The following OTUB1 variants were observed in gnomAD, a reference collection of about 807,000 sequenced individuals.
The protein encoded by OTUB1 is ubiquitin thioesterase OTUB1.
A neutral mutation model predicts 35.8 loss-of-function variants in OTUB1; 10 were observed. The observed-to-expected ratio is 0.28, with a 90% confidence interval of 0.17 to 0.47. The LOEUF (loss-of-function observed/expected upper bound fraction) is 0.47. Among genes scored for constraint, OTUB1 ranks in the 20% least tolerant of loss-of-function variants. The probability of loss-of-function intolerance (pLI) is 0.99; values close to 1 mark genes in which losing one functional copy is unlikely to be tolerated. For missense variants in OTUB1, 264 were observed against 351.6 expected, an observed-to-expected ratio of 0.75 and a Z score of 1.99; for synonymous variants, 158 against 143.8, an observed-to-expected ratio of 1.10 and a Z score of -0.71.
At chr11:63,997,285 A>G (rs1486758002) in intron 6 of OTUB1, 41 bp downstream of exon 6, 5 of 1,611,344 alleles carry the variant, frequency 3.1e-6, no homozygotes, top group Non-Finnish European at 3.4e-6. Flanking sequence ...GGGGGAGTGC[A>G]GTGGGCCCAC....
chr11:63,995,170 G>C (rs1942705648), intron 3 of OTUB1, among the ~76,000 whole-genome samples: 1 of 152,090 alleles, frequency 6.6e-6, no homozygotes, highest in Admixed American at 6.6e-5. Context: ...GAGTGGCTGG[G>C]ACCACAGGAT....
intron 3 of OTUB1, among the ~76,000 whole-genome samples, chr11:63,991,296 T>TA (rs567373866): frequency 8.7e-4 from 132 of 152,288 alleles, no homozygotes; most frequent in African/African-American, 3.0e-3. Context: ...CCTCTCCCCA[T>TA]ACAGGGGGTG....
In OTUB1 at chr11:63,997,447, C is replaced by G. The variant is rs771746070; in HGVS notation, c.717C>G (p.Gly239=). Residue 239 remains glycine, a synonymous_variant, in exon 7 of 7, where the codon GGC becomes GGG. Transcript: ENST00000538426. The part of the protein sequence containing the change: ...VSIQVEYMDR[G]EGGTTNPHIF... ...TCCAGGTGGAGTACATGGACCGCGG[C>G]GAGGGCGGCACCACCAATCCGCACA... 3 of 1,614,084 alleles carry G rather than the reference C, an allele frequency of 1.9e-6. No homozygotes were observed. The South Asian group carries it at 3.3e-5, about 18-fold the overall frequency.
chr11:63,998,066 AG>A lies in OTUB1; in HGVS notation c.*524del. On this transcript the variant is annotated 3_prime_UTR_variant, in exon 7 of 7. Transcript: ENST00000538426. The stretch of plus-strand genomic sequence containing the variant: ...CTGCATGGTTGGGAGTCCTGGGTGG[AG>A]GGGCCTTTGTGAGGCTGGACCCGGC... 4.6e-6 allele frequency: 2 copies of A among 431,746 alleles called. No homozygotes were observed. Among genetic ancestry groups the A allele is most frequent in the Non-Finnish European group, 8.4e-6 (2 of 236,982 alleles). The allele number at this position is 431,746 out of a possible 1,614,324, so 26.7% of individuals were successfully genotyped here. A position where few individuals can be genotyped will look rare whatever the true frequency, so the allele number is the denominator to read the frequency against.
chr11:63,997,882 C>A lies in OTUB1; in HGVS notation c.*336C>A. 1 of 637,446 alleles carries A rather than the reference C, an allele frequency of 1.6e-6. No individual in the cohort carries two copies. Among genetic ancestry groups the A allele is most frequent in the South Asian group, 1.7e-5 (1 of 57,512 alleles). The allele number at this position is 637,446 out of a possible 1,614,324, so 39.5% of individuals were successfully genotyped here. On this transcript the variant is annotated 3_prime_UTR_variant, in exon 7 of 7. Coordinates refer to ENST00000538426, the MANE Select transcript of OTUB1 (RefSeq NM_017670.3). ...GCTTCGTTGGGTTCTGCTTCCTTCC[C>A]TTCTTAGCTGGCTCAGGGGCTTCTA... is the stretch of plus-strand genomic sequence containing the variant.
chr11:63,996,871 C>T lies in OTUB1; in HGVS notation c.353C>T (p.Ser118Phe). 2 of 1,614,222 alleles carry T rather than the reference C, an allele frequency of 1.2e-6. No homozygotes were observed. Among genetic ancestry groups the T allele is most frequent in the Non-Finnish European group, 1.7e-6 (2 of 1,180,038 alleles). Residue 118 changes from serine to phenylalanine, a missense_variant, in exon 5 of 7, where the codon TCT (serine) becomes TTT (phenylalanine). Physicochemically the swap from Ser to Phe is radical, Grantham distance 155. Transcript: ENST00000538426. ...SKELQRFKAV[S>F]AKSKEDLVSQ... ...CCCACCCCCAGGTTCAAGGCTGTGT[C>T]TGCCAAGAGCAAGGAAGACCTGGTG...
intron 3 of OTUB1, among the ~76,000 whole-genome samples, chr11:63,996,180 C>T (rs1942714903): frequency 1.3e-5 from 2 of 152,196 alleles, no homozygotes; most frequent in Non-Finnish European, 2.9e-5. Context: ...CTGGCCCTGA[C>T]TTGCTTGCCC....
Position 63,997,994 on chromosome 11 carries a change from G to T in OTUB1, c.*448G>T, listed in dbSNP as rs977807252. On this transcript the variant is annotated 3_prime_UTR_variant, in exon 7 of 7. Coordinates refer to ENST00000538426, the MANE Select transcript of OTUB1 (RefSeq NM_017670.3). ...GCTCCCTCATAGGCCCCACCTCCAC[G>T]TCCCGGCTGGGCCCCAGACCCCAGC... 1 of 550,388 alleles carries T rather than the reference G, an allele frequency of 1.8e-6. No homozygotes were observed. The highest frequency in any genetic ancestry group is 3.3e-5 in the Admixed American group (1 of 30,190). 34.1% of individuals were successfully genotyped at this position (550,388 alleles called of 1,614,324 possible).
intron 1 of OTUB1, 125 bp from the exon 2 acceptor site, chr11:63,988,212 A>G (rs989056708): frequency 1.4e-6 from 1 of 719,848 alleles, no homozygotes; most frequent in African/African-American, 1.8e-5. Context: ...GACATCTGTA[A>G]CATACCTGCT....
rs536333242 is a variant in OTUB1 at position 63,994,375 on chromosome 11, C to T, written c.220-2155C>T. Among the ~76,000 whole-genome samples, 3 of 152,326 alleles carry T rather than the reference C, an allele frequency of 2.0e-5. No individual in the cohort carries two copies. In the East Asian group the frequency reaches 5.8e-4, roughly 30 times the overall value. On this transcript the variant is annotated intron_variant, in intron 3 of 6. Transcript: ENST00000538426. ...TCAAGTGATTCTCTTGCCTCAGCCT[C>T]CAGAGTAGCTGGAACTACAGGTGTG...
In OTUB1 at chr11:63,997,410, T is replaced by C. The variant is rs755858584; in HGVS notation, c.680T>C (p.Leu227Pro). The change falls in exon 7 of 7, where the codon CTC becomes CCC. Residue 227 changes from leucine to proline, a missense_variant. By Grantham distance (98) the Leu-to-Pro change is moderately conservative. This residue lies in a region of OTUB1 where 214 missense variants were observed against 317.1 expected (regional missense o/e 0.67). Transcript: ENST00000538426. ...HIHIIALAQA[L>P]SVSIQVEYMD... ...CACATCATTGCGCTGGCCCAGGCCC[T>C]CAGCGTGTCCATCCAGGTGGAGTAC... 1 of 1,614,098 alleles carries C rather than the reference T, an allele frequency of 6.2e-7. No homozygotes were observed. Among genetic ancestry groups the C allele is most frequent in the Admixed American group, 1.7e-5 (1 of 60,026 alleles).
rs764672942 is a variant in OTUB1, at chr11:63,997,580, C to T, written c.*34C>T. On this transcript the variant is annotated 3_prime_UTR_variant, in exon 7 of 7. Coordinates refer to ENST00000538426, the MANE Select transcript of OTUB1 (RefSeq NM_017670.3). The stretch of plus-strand genomic sequence containing the variant: ...CCAGCCCGCTGCTGCCCTGCTGCCC[C>T]CCTCTGCCAGGCGCTAGACATGTAC... The T allele has an allele frequency of 5.7e-5, 91 of 1,583,506 alleles. No homozygotes were observed. The highest frequency in any genetic ancestry group is 1.0e-4 in the Admixed American group (6 of 59,908).
chr11:63,993,167 G>A (rs1350593118), intron 3 of OTUB1, among the ~76,000 whole-genome samples: 1 of 152,188 alleles, frequency 6.6e-6, no homozygotes, highest in Admixed American at 6.5e-5. Flanking sequence ...TGATGGAGTC[G>A]GCAGCGACTG....
intron 3 of OTUB1, among the ~76,000 whole-genome samples, chr11:63,991,805 GCAGA>G (rs1942675199): frequency 6.6e-6 from 1 of 152,224 alleles, no homozygotes; most frequent in African/African-American, 2.4e-5. Flanking sequence ...ATAGAGCCAT[GCAGA>G]CAAAGTCCTG....
chr11:63,997,586 G>A lies in OTUB1; in HGVS notation c.*40G>A. ...CGCTGCTGCCCTGCTGCCCCCCTCT[G>A]CCAGGCGCTAGACATGTACAGAGGT... On this transcript the variant is annotated 3_prime_UTR_variant, in exon 7 of 7. Coordinates refer to ENST00000538426, the MANE Select transcript of OTUB1 (RefSeq NM_017670.3). 1 of 1,568,616 alleles carries A rather than the reference G, an allele frequency of 6.4e-7. No homozygotes were observed. Among genetic ancestry groups the A allele is most frequent in the Non-Finnish European group, 8.8e-7 (1 of 1,140,508 alleles).
chr11:63,990,608 AT>A (rs1327499528), intron 3 of OTUB1: 2 of 151,426 alleles, frequency 1.3e-5, no homozygotes, highest in African/African-American at 4.9e-5. Context: ...AAATAAATAA[AT>A]AAATAAATAA....
intron 3 of OTUB1, among the ~76,000 whole-genome samples, chr11:63,995,082 T>TA (rs1272187385): frequency 6.6e-6 from 1 of 152,044 alleles, no homozygotes; most frequent in African/African-American, 2.4e-5. Context: ...TCACCCACGC[T>TA]AGAGTGTAGT....
chr11:63,992,520 G>A (rs1942681960), intron 3 of OTUB1, among the ~76,000 whole-genome samples: 1 of 151,896 alleles, frequency 6.6e-6, no homozygotes, highest in African/African-American at 2.4e-5. Context: ...GAGATAGGGT[G>A]CATCTGGCAG....
intron 3 of OTUB1, among the ~76,000 whole-genome samples, chr11:63,994,727 C>A (rs1327868388): frequency 6.6e-6 from 1 of 152,238 alleles, no homozygotes; most frequent in Non-Finnish European, 1.5e-5. Context: ...AGGGCCACAG[C>A]CAGTGGCCTC....
Sources: gnomAD v4.1 joint callset for allele counts (sites outside exome capture counted in the v4.1 genomes callset) on GRCh38, gnomAD v4.1.1 for gene constraint, gnomAD v4.1.1 regional missense constraint, MANE v1.5 for transcripts, NCBI Gene and HGNC (gene_info 2026-07-23, HGNC 2026-07-21) for gene names.